AKAP8: variants seen among roughly 807,000 people sequenced by gnomAD.
AKAP8 encodes A-kinase anchoring protein 8, also known as A-kinase anchor protein 8.
In AKAP8, 24 loss-of-function variants were observed where a neutral mutation model predicts 67.5. That is an observed-to-expected ratio of 0.36 (90% confidence interval 0.26 to 0.50). AKAP8 has a LOEUF of 0.50. Ranked by LOEUF, AKAP8 falls within the 20% of genes least tolerant of loss-of-function variation. The pLI is 0.97. For missense variants in AKAP8, 971 were observed against 955.9 expected (o/e 1.02, Z -0.21); for synonymous variants, 400 against 371.1 (o/e 1.08, Z -0.90).
Position 15,354,800 on chromosome 19 carries a change from A to C in AKAP8, c.*115T>G. 1 of 1,302,518 alleles carries C rather than the reference A, an allele frequency of 7.7e-7. No individual in the cohort carries two copies. The highest frequency in any genetic ancestry group is 1.1e-6 in the Non-Finnish European group (1 of 947,358). 80.7% of individuals were successfully genotyped at this position (1,302,518 alleles called of 1,614,324 possible). A position where few individuals can be genotyped will look rare whatever the true frequency, so the allele number is the denominator to read the frequency against. Reference sequence around the variant, plus strand: ...GAGGAAACGCTGGGTCTCTTCACCAAAATTAGATTACAGCATATTCTGGGA... The same window carrying C: ...GAGGAAACGCTGGGTCTCTTCACCACAATTAGATTACAGCATATTCTGGGA... On this transcript the variant is annotated 3_prime_UTR_variant, in exon 14 of 14. Coordinates refer to ENST00000269701, the MANE Select transcript of AKAP8 (RefSeq NM_005858.4).
intron 2 of AKAP8, among the ~76,000 whole-genome samples, chr19:15,374,867 C>A (rs1457604493): frequency 1.3e-5 from 2 of 152,190 alleles, no homozygotes; most frequent in Non-Finnish European, 2.9e-5. Context: ...TCCGTCAGGG[C>A]AAGGGAAGGG....
At chr19:15,356,541 A>G (rs2048279881) in intron 13 of AKAP8, among the ~76,000 whole-genome samples, 1 of 152,090 alleles carries the variant, frequency 6.6e-6, no homozygotes, top group Non-Finnish European at 1.5e-5. Flanking sequence ...GGGCTGGAGG[A>G]CTGCCGGAGC....
In AKAP8 at chr19:15,361,838, G is replaced by A. The variant is rs1299988370; in HGVS notation, c.1303-16C>T. On this transcript the variant is annotated splice_polypyrimidine_tract_variant and intron_variant, in intron 10 of 13. Transcript: ENST00000269701. ...CAATGTATTCCTAGGTGGGATTGGA[G>A]AGGGCATAAAGTAAAATGAGAGGTG... 6.2e-7 allele frequency: 1 copy of A among 1,604,818 alleles called. No homozygotes were observed. The highest frequency in any genetic ancestry group is 8.5e-7 in the Non-Finnish European group (1 of 1,171,764).
At chr19:15,361,856 G>A (rs935245102) in intron 10 of AKAP8, 34 bp from the exon 11 acceptor site, 15 of 1,582,812 alleles carry the variant, frequency 9.5e-6, no homozygotes, top group Non-Finnish European at 1.3e-5. Flanking sequence ...AAAGTAAAAT[G>A]AGAGGTGGGC....
At chr19:15,374,882 C>T (rs980922270) in intron 2 of AKAP8, among the ~76,000 whole-genome samples, 4 of 152,210 alleles carry the variant, frequency 2.6e-5, no homozygotes, top group East Asian at 1.9e-4. Flanking sequence ...GAAGGGACGC[C>T]GCACGCTCCC....
intron 1 of AKAP8, 95 bp downstream of exon 1, chr19:15,379,618 G>A (rs976236294): frequency 6.8e-5 from 98 of 1,449,700 alleles, no homozygotes; most frequent in Non-Finnish European, 8.9e-5. Flanking sequence ...AACCACGCTC[G>A]GGACGAAGGC....
intron 4 of AKAP8, 50 bp from the exon 5 acceptor site, chr19:15,373,390 G>T: frequency 6.5e-7 from 1 of 1,548,758 alleles, no homozygotes; most frequent in Non-Finnish European, 8.7e-7. Flanking sequence ...ATCACCCACT[G>T]CCACACTCCC....
At position 15,353,944 on chromosome 19, in the gene AKAP8, A is replaced by ATG. The variant is rs1568421563; in HGVS notation, c.*970_*971insCA. 6.6e-6 allele frequency: 1 copy of ATG among 151,598 alleles called. No individual in the cohort carries two copies. The highest frequency in any genetic ancestry group is 1.5e-5 in the Non-Finnish European group (1 of 67,956). The allele number at this position is 151,598 out of a possible 1,614,324, so 9.4% of individuals were successfully genotyped here. On this transcript the variant is annotated 3_prime_UTR_variant, in exon 14 of 14. Transcript: ENST00000269701. ...TATTTCATTTTATATATATATATAT[A>ATG]TATTACAGATACCTTCTATCTATGG...
rs141841312 is a variant in AKAP8 at position 15,358,992 on chromosome 19, A to G, written c.1598T>C (p.Val533Ala). 1.1e-5 allele frequency: 18 copies of G among 1,614,152 alleles called. No homozygotes were observed. Among genetic ancestry groups the G allele is most frequent in the Non-Finnish European group, 1.5e-5 (18 of 1,180,034 alleles). The change falls in exon 13 of 14, where the codon GTG (valine) becomes GCG (alanine). Residue 533 changes from valine (V) to alanine (A), a missense_variant. Physicochemically the swap from Val to Ala is moderately conservative, Grantham distance 64. Around this residue, in one of 3 missense-constraint regions of AKAP8, gnomAD observed 763 missense variants for 745.4 expected, o/e 1.02. Coordinates refer to ENST00000269701, the MANE Select transcript of AKAP8 (RefSeq NM_005858.4). ...CTTGAGGTATTTTTCCAGCATCTTC[A>G]CTATATGTCTGTTGTTCAAAACACT... The part of the protein sequence containing the change: ...AKSVLNNRHI[V>A]KMLEKYLKGE...
chr19:15,373,664 G>A lies in AKAP8; in HGVS notation c.371+122C>T, dbSNP rs932276550. 14 of 1,270,300 alleles carry A rather than the reference G, an allele frequency of 1.1e-5. No individual in the cohort carries two copies. The East Asian group carries it at 2.3e-4, about 21-fold the overall frequency. 78.7% of individuals were successfully genotyped at this position (1,270,300 alleles called of 1,614,324 possible). On this transcript the variant is annotated intron_variant, in intron 4 of 13. Coordinates refer to ENST00000269701, the MANE Select transcript of AKAP8 (RefSeq NM_005858.4). ...CACTGACCCCCCACGAGCCCAACTC[G>A]TCAATGCCACACCCAAGAGGGAGGC...
intron 9 of AKAP8, among the ~76,000 whole-genome samples, chr19:15,366,475 TTCTC>T (rs772280268): frequency 2.0e-5 from 3 of 152,118 alleles, no homozygotes; most frequent in South Asian, 2.1e-4. Context: ...TGCTAAGCAT[TTCTC>T]TCTTTTTTTT....
Position 15,373,923 on chromosome 19 carries a change from G to T in AKAP8, c.234C>A (p.Ala78=). 6.2e-7 allele frequency: 1 copy of T among 1,613,918 alleles called. No homozygotes were observed. Among genetic ancestry groups the T allele is most frequent in the Non-Finnish European group, 8.5e-7 (1 of 1,179,956 alleles). ...LAAGAPAMHM[A]SYGPEPCTDN... ...CGGTGCATGGCTCTGGGCCGTAAGA[G>T]GCCATGTGCATGGCAGGGGCCCCGG... Residue 78 remains alanine (A), a synonymous_variant, in exon 4 of 14, where the codon GCC becomes GCA. Transcript: ENST00000269701.
At chr19:15,370,623 G>GTTT (rs1967139141) in intron 7 of AKAP8, among the ~76,000 whole-genome samples, 1 of 93,006 alleles carries the variant, frequency 1.1e-5, no homozygotes. Context: ...TTTACCCAAT[G>GTTT]TCTTTTTTTT....
intron 9 of AKAP8, among the ~76,000 whole-genome samples, chr19:15,366,009 G>A (rs1967061017): frequency 7.0e-6 from 1 of 142,646 alleles, no homozygotes; most frequent in Non-Finnish European, 1.5e-5. Flanking sequence ...GGGTGACACA[G>A]CAAGACTCCA....
intron 7 of AKAP8, 28 bp downstream of exon 7, chr19:15,371,924 A>G (rs1377020923): frequency 3.0e-5 from 48 of 1,612,808 alleles, no homozygotes; most frequent in Non-Finnish European, 4.0e-5. Flanking sequence ...CCCACACTAG[A>G]GGCAAAAGGG....
intron 8 of AKAP8, chr19:15,368,929 A>T: frequency 5.1e-6 from 5 of 986,064 alleles, no homozygotes; most frequent in Non-Finnish European, 6.0e-6. Context: ...ATTTGGGAAG[A>T]GACCAATTGG....
chr19:15,368,972 A>C, intron 8 of AKAP8: 1 of 985,964 alleles, frequency 1.0e-6, no homozygotes, highest in Non-Finnish European at 1.2e-6. Flanking sequence ...CCAGCAGAGG[A>C]GCTCCTCGGA....
rs71176406 is a variant in AKAP8 at position 15,364,108 on chromosome 19, CAAAAA to C, written c.1161-1862_1161-1858del. 3.5e-3 allele frequency among the ~76,000 whole-genome samples: 182 copies of C among 52,342 alleles called. 12 individuals carry two copies. Among genetic ancestry groups the C allele is most frequent in the Admixed American group, 7.3e-3 (19 of 2,588 alleles). The allele number at this position is 52,342 out of a possible 152,430, so 34.3% of individuals were successfully genotyped here. On this transcript the variant is annotated intron_variant, in intron 9 of 13. Transcript: ENST00000269701. ...AATAAATAAATAAATTGGCAGTGGG[CAAAAA>C]AAAAAAAAAAAAGAAACAGGATTTT...
intron 2 of AKAP8, 21 bp downstream of exon 2, chr19:15,376,955 C>A: frequency 6.2e-7 from 1 of 1,609,312 alleles, no homozygotes; most frequent in African/African-American, 1.3e-5. Context: ...ACGCCTCACC[C>A]GCAAAGCAGA....
Sources: gnomAD v4.1 joint callset for allele counts (sites outside exome capture counted in the v4.1 genomes callset) on GRCh38, gnomAD v4.1.1 for gene constraint, gnomAD v4.1.1 regional missense constraint, MANE v1.5 for transcripts, NCBI Gene and HGNC (gene_info 2026-07-23, HGNC 2026-07-21) for gene names.